The following CSKMT variants were observed in gnomAD, a reference collection of about 807,000 sequenced individuals.
The protein encoded by CSKMT is citrate synthase lysine methyltransferase.
A neutral mutation model predicts 4.6 loss-of-function variants in CSKMT; 6 were observed. The observed-to-expected ratio is 1.31, with a 90% CI of 0.72 to 2.59. CSKMT has a LOEUF of 2.59. Among genes scored for constraint, CSKMT ranks in the 30% most tolerant of loss-of-function variants. CSKMT has a pLI of 0.00. For synonymous variants in CSKMT, 142 were observed against 128.9 expected (o/e 1.10, Z -0.69); for missense variants, 328 against 298.0 (o/e 1.10, Z -0.74).
chr11:62,666,273 G>C (rs1477172886), intron 2 of CSKMT, 123 bp from the exon 3 acceptor site: 2 of 994,726 alleles, frequency 2.0e-6, no homozygotes, highest in South Asian at 2.7e-5. Context: ...TTGTGCTACT[G>C]TACTCAACCC....
chr11:62,665,320 G>A lies in CSKMT; in HGVS notation c.-246G>A, dbSNP rs1217943419. The A allele has an allele frequency of 1.5e-5, 11 of 729,264 alleles. No homozygotes were observed. The highest frequency in any genetic ancestry group is 3.5e-5 in the African/African-American group (2 of 56,782). The allele number at this position is 729,264 out of a possible 1,614,324, so 45.2% of individuals were successfully genotyped here. The stretch of plus-strand genomic sequence containing the variant: ...TCCGCGGTGCGGGAGGCCTTTCGGA[G>A]GGTGGTGAGCTAGTAAGTGTGGTTT... On this transcript the variant is annotated 5_prime_UTR_variant, in exon 1 of 3. Transcript: ENST00000532971.
Position 62,667,993 on chromosome 11 carries a change from T to C in CSKMT, c.*942T>C, listed in dbSNP as rs1247096895. ...TGAGCTGGGAGGACTGCTTGAACCC[T>C]GGGAGGTCAAAGCTGCAATGGGCCA... On this transcript the variant is annotated 3_prime_UTR_variant, in exon 3 of 3. Transcript: ENST00000532971. 2.2e-5 allele frequency: 9 copies of C among 406,344 alleles called. No individual in the cohort carries two copies. The highest frequency in any genetic ancestry group is 3.6e-5 in the Non-Finnish European group (8 of 224,590). The allele number at this position is 406,344 out of a possible 1,614,324, so 25.2% of individuals were successfully genotyped here.
chr11:62,665,747 G>A lies in CSKMT; in HGVS notation c.-133G>A. 5.4e-6 allele frequency: 8 copies of A among 1,490,354 alleles called. No homozygotes were observed. The highest frequency in any genetic ancestry group is 1.4e-5 in the African/African-American group (1 of 72,080). The allele number at this position is 1,490,354 out of a possible 1,614,324, so 92.3% of individuals were successfully genotyped here. A position where few individuals can be genotyped will look rare whatever the true frequency, so the allele number is the denominator to read the frequency against. ...GCGTTCTTTTTTCCGGGACTGCAGA[G>A]TTCGGGGAAGCTGTACGCCGCCTTT... On this transcript the variant is annotated 5_prime_UTR_variant, in exon 2 of 3. Coordinates refer to ENST00000532971, the MANE Select transcript of CSKMT (RefSeq NM_001043229.2).
At position 62,666,878 on chromosome 11, in the gene CSKMT, T is replaced by C; in HGVS notation, c.550T>C (p.Cys184Arg). Residue 184 changes from cysteine to arginine, a missense_variant, in exon 3 of 3, where the codon TGC becomes CGC. Coordinates refer to ENST00000532971, the MANE Select transcript of CSKMT (RefSeq NM_001043229.2). ...LPRAYQLLSE[C>R]LRVLNPQGTL... ...TAGGGCTTACCAGCTTCTATCAGAA[T>C]GCTTGAGGGTTCTAAACCCTCAGGG... 1.2e-6 allele frequency: 2 copies of C among 1,614,196 alleles called. No homozygotes were observed. The highest frequency in any genetic ancestry group is 1.7e-6 in the Non-Finnish European group (2 of 1,180,040).
In CSKMT at chr11:62,667,325, A is replaced by T; in HGVS notation, c.*274A>T. 1 of 654,588 alleles carries T rather than the reference A, an allele frequency of 1.5e-6. No homozygotes were observed. The highest frequency in any genetic ancestry group is 2.0e-5 in the South Asian group (1 of 50,616). 40.5% of individuals were successfully genotyped at this position (654,588 alleles called of 1,614,324 possible). ...AGAAGGTACAATTGGGTCATTCCCC[A>T]GTTTCAACTAACTGGAGCTCCTAAA... On this transcript the variant is annotated 3_prime_UTR_variant, in exon 3 of 3. Coordinates refer to ENST00000532971, the MANE Select transcript of CSKMT (RefSeq NM_001043229.2).
In CSKMT at chr11:62,665,431, C is replaced by T. The variant is rs114019582; in HGVS notation, c.-234+99C>T. 3.9e-3 allele frequency: 5,940 copies of T among 1,541,766 alleles called. 185 individuals carry two copies. In the African/African-American group the frequency reaches 0.071, roughly 18 times the overall value. The stretch of plus-strand genomic sequence containing the variant: ...GGCGGGGTCTCAGGACCCTCCTTTT[C>T]TTGGCGGGGATCGGGCTTGTGGTGC... On this transcript the variant is annotated intron_variant, in intron 1 of 2. Transcript: ENST00000532971.
In CSKMT at chr11:62,667,831, C is replaced by T; in HGVS notation, c.*780C>T. The T allele has an allele frequency of 1.0e-6, 1 of 986,040 alleles. No homozygotes were observed. The highest frequency in any genetic ancestry group is 1.6e-6 in the Non-Finnish European group (1 of 645,006). The allele number at this position is 986,040 out of a possible 1,614,324, so 61.1% of individuals were successfully genotyped here. A position where few individuals can be genotyped will look rare whatever the true frequency, so the allele number is the denominator to read the frequency against. ...CTAGGCCAGGCATGCTGGCTCATAC[C>T]TATAATCACAGCACTTTGGGAGGCC... On this transcript the variant is annotated 3_prime_UTR_variant, in exon 3 of 3. Coordinates refer to ENST00000532971, the MANE Select transcript of CSKMT (RefSeq NM_001043229.2).
At position 62,667,034 on chromosome 11, in the gene CSKMT, A is replaced by T; in HGVS notation, c.706A>T (p.Ile236Phe). Residue 236 changes from isoleucine to phenylalanine, a missense_variant, in exon 3 of 3, where the codon ATT (isoleucine) becomes TTT (phenylalanine). Transcript: ENST00000532971. ...GGGCATCACCTACTTTGCTTACTTG[A>T]TTCAAGGCTCTCATTAAAGACATTT... The part of the protein sequence containing the change: ...FRGITYFAYL[I>F]QGSH 6.2e-7 allele frequency: 1 copy of T among 1,602,822 alleles called. No individual in the cohort carries two copies. The highest frequency in any genetic ancestry group is 2.2e-5 in the East Asian group (1 of 44,734).
chr11:62,666,934 TG>T lies in CSKMT; in HGVS notation c.607del (p.Asp203MetfsTer16), dbSNP rs779880471. ...TGATTCAGTTCTCAGATGAGGACCC[TG>T]ATGTGCGACTGCCCTGCCTGGAACA... ...TLIQFSDEDP[D>X]VRLPCLEQGS... On this transcript the variant is annotated frameshift_variant, in exon 3 of 3. Transcript: ENST00000532971. LOFTEE classifies it high-confidence loss of function. 19 of 1,614,170 alleles carry T rather than the reference TG, an allele frequency of 1.2e-5. No individual in the cohort carries two copies. The South Asian group carries it at 1.9e-4, about 16-fold the overall frequency.
In CSKMT at chr11:62,667,240, G is replaced by C. The variant is rs1297079626; in HGVS notation, c.*189G>C. On this transcript the variant is annotated 3_prime_UTR_variant, in exon 3 of 3. Transcript: ENST00000532971. ...ATCTGCAGAGTGAGAATAACTTGGA[G>C]TTACGGAGATTACATACAATGATGT... The C allele has an allele frequency of 4.5e-6, 3 of 660,666 alleles. No individual in the cohort carries two copies. The highest frequency in any genetic ancestry group is 7.7e-6 in the Non-Finnish European group (3 of 390,232). The allele number at this position is 660,666 out of a possible 1,614,324, so 40.9% of individuals were successfully genotyped here. A position where few individuals can be genotyped will look rare whatever the true frequency, so the allele number is the denominator to read the frequency against.
rs570436114 is a variant in CSKMT at position 62,666,502 on chromosome 11, C to A, written c.174C>A (p.Asp58Glu). Residue 58 changes from aspartate to glutamate, a missense_variant, in exon 3 of 3, where the codon GAC becomes GAA. Coordinates refer to ENST00000532971, the MANE Select transcript of CSKMT (RefSeq NM_001043229.2). The stretch of plus-strand genomic sequence containing the variant: ...CCTTCGACTGGTTCTTTGGATACGA[C>A]GAAGTCCAGGGGCTCCTACTGCCAT... Reference protein sequence around the residue: ...VPTFDWFFGYDEVQGLLLPLL... With the variant: ...VPTFDWFFGYEEVQGLLLPLL... 6.2e-7 allele frequency: 1 copy of A among 1,614,088 alleles called. No individual in the cohort carries two copies. The highest frequency in any genetic ancestry group is 2.2e-5 in the East Asian group (1 of 44,882).
chr11:62,667,054 A>G lies in CSKMT; in HGVS notation c.*3A>G. ...ACTTGATTCAAGGCTCTCATTAAAG[A>G]CATTTTAGTAGTCCTGACCCTAGTA... On this transcript the variant is annotated 3_prime_UTR_variant, in exon 3 of 3. Transcript: ENST00000532971. 6.3e-7 allele frequency: 1 copy of G among 1,588,084 alleles called. No homozygotes were observed. The highest frequency in any genetic ancestry group is 8.6e-7 in the Non-Finnish European group (1 of 1,167,132).
Position 62,667,554 on chromosome 11 carries a change from A to G in CSKMT, c.*503A>G, listed in dbSNP as rs762467933. On this transcript the variant is annotated 3_prime_UTR_variant, in exon 3 of 3. Coordinates refer to ENST00000532971, the MANE Select transcript of CSKMT (RefSeq NM_001043229.2). ...AGCTATTAGGAGGCAGGAGATGGGA[A>G]TATTCCACAAAGCCACTTCTACAAA... 1 of 1,614,172 alleles carries G rather than the reference A, an allele frequency of 6.2e-7. No homozygotes were observed. Among genetic ancestry groups the G allele is most frequent in the Non-Finnish European group, 8.5e-7 (1 of 1,180,026 alleles).
In CSKMT at chr11:62,665,637, T is replaced by C; in HGVS notation, c.-233-10T>C. 6.6e-7 allele frequency: 1 copy of C among 1,521,536 alleles called. No homozygotes were observed. Among genetic ancestry groups the C allele is most frequent in the African/African-American group, 1.4e-5 (1 of 72,944 alleles). The allele number at this position is 1,521,536 out of a possible 1,614,324, so 94.3% of individuals were successfully genotyped here. On this transcript the variant is annotated splice_polypyrimidine_tract_variant and intron_variant, in intron 1 of 2. Transcript: ENST00000532971. ...CATCGGGGTGCTCACACTTTCTCAT[T>C]TGATTTCAGGTCTGCGGACGCTGTA...
In CSKMT at chr11:62,667,046, CATT is replaced by C; in HGVS notation, c.720_722del (p.His240_Ter241delinsGln). On this transcript the variant is annotated stop_lost and inframe_deletion, in exon 3 of 3. Transcript: ENST00000532971. ...CTTTGCTTACTTGATTCAAGGCTCT[CATT>C]AAAGACATTTTAGTAGTCCTGACCC... is the stretch of plus-strand genomic sequence containing the variant. The C allele has an allele frequency of 6.3e-7, 1 of 1,593,762 alleles. No individual in the cohort carries two copies. The highest frequency in any genetic ancestry group is 1.1e-5 in the South Asian group (1 of 88,416).
intron 1 of CSKMT, 108 bp downstream of exon 1, chr11:62,665,440 G>T (rs759434320): frequency 1.3e-6 from 2 of 1,552,402 alleles, no homozygotes; most frequent in Non-Finnish European, 1.7e-6. Context: ...TCTTGGCGGG[G>T]ATCGGGCTTG....
At chr11:62,665,486 A>G in intron 1 of CSKMT, 154 bp downstream of exon 1, 1 of 1,576,166 alleles carries the variant, frequency 6.3e-7, no homozygotes, top group Admixed American at 1.7e-5. Context: ...AGGAAGAGGG[A>G]AAGGGCTCTG....
In CSKMT at chr11:62,666,973, C is replaced by G; in HGVS notation, c.645C>G (p.Gly215=). The G allele has an allele frequency of 6.2e-7, 1 of 1,614,154 alleles. No individual in the cohort carries two copies. Among genetic ancestry groups the G allele is most frequent in the Non-Finnish European group, 8.5e-7 (1 of 1,180,024 alleles). The part of the protein sequence containing the change: ...RLPCLEQGSY[G]WTVTVQELGP... ...CCTGCCTGGAACAAGGGTCCTATGGCTGGACTGTGACTGTGCAGGAGCTAG... is the reference window on the plus strand; with the variant it reads ...CCTGCCTGGAACAAGGGTCCTATGGGTGGACTGTGACTGTGCAGGAGCTAG... The change falls in exon 3 of 3, where the codon GGC becomes GGG. Residue 215 remains glycine, a synonymous_variant. Transcript: ENST00000532971.
Position 62,666,490 on chromosome 11 carries a change from C to A in CSKMT, c.162C>A (p.Phe54Leu). The change falls in exon 3 of 3, where the codon TTC (phenylalanine) becomes TTA (leucine). Residue 54 changes from phenylalanine to leucine, a missense_variant. Coordinates refer to ENST00000532971, the MANE Select transcript of CSKMT (RefSeq NM_001043229.2). The stretch of plus-strand genomic sequence containing the variant: ...GCACTGTCCCCACCTTCGACTGGTT[C>A]TTTGGATACGACGAAGTCCAGGGGC... ...RLGTVPTFDW[F>L]FGYDEVQGLL... The A allele has an allele frequency of 6.2e-7, 1 of 1,614,096 alleles. No homozygotes were observed. The highest frequency in any genetic ancestry group is 8.5e-7 in the Non-Finnish European group (1 of 1,180,042).
Sources: gnomAD v4.1 joint callset for allele counts on GRCh38, gnomAD v4.1.1 for gene constraint, MANE v1.5 for transcripts, NCBI Gene and HGNC (gene_info 2026-07-23, HGNC 2026-07-21) for gene names.